PCED1B: variants seen among roughly 807,000 people sequenced by gnomAD.
PCED1B encodes the protein PC-esterase domain-containing protein 1B.
For missense variants in PCED1B, 573 were observed against 573.9 expected (o/e 1.00, Z 0.02); for synonymous variants, 251 against 246.1 (o/e 1.02, Z -0.19).
At chr12:47,199,028 A>T (rs1342890431) in intron 2 of PCED1B, among the ~76,000 whole-genome samples, 1 of 152,090 alleles carries the variant, frequency 6.6e-6, no homozygotes, top group Non-Finnish European at 1.5e-5. Context: ...ACAACAGCAA[A>T]AAACCATCCT....
chr12:47,229,994 T>C (rs934862510), intron 3 of PCED1B, among the ~76,000 whole-genome samples: 2 of 151,394 alleles, frequency 1.3e-5, no homozygotes, highest in African/African-American at 4.9e-5. Flanking sequence ...CAGGATGGTC[T>C]CAATCTCCTG....
intron 1 of PCED1B, among the ~76,000 whole-genome samples, chr12:47,097,696 G>A (rs1319125318): frequency 6.6e-6 from 1 of 152,180 alleles, no homozygotes; most frequent in Non-Finnish European, 1.5e-5. Flanking sequence ...AAGAGCAGTT[G>A]GCACAGTACA....
chr12:47,142,712 C>A (rs891179252), intron 2 of PCED1B, among the ~76,000 whole-genome samples: 2 of 151,768 alleles, frequency 1.3e-5, no homozygotes, highest in African/African-American at 2.4e-5. Flanking sequence ...CAGACTTGAT[C>A]GCGCAGAAGA....
intron 2 of PCED1B, among the ~76,000 whole-genome samples, chr12:47,132,957 C>A (rs1446061471): frequency 6.6e-5 from 10 of 152,176 alleles, no homozygotes; most frequent in African/African-American, 2.4e-4. Context: ...TCTCATAACA[C>A]TGATACATAG....
intron 2 of PCED1B, among the ~76,000 whole-genome samples, chr12:47,156,369 AC>A (rs200414672): frequency 0.014 from 2,131 of 152,286 alleles, 31 homozygotes; most frequent in Middle Eastern, 0.027. Flanking sequence ...CCTTTTTCTT[AC>A]CAAGCACTGC....
At chr12:47,107,131 GT>G (rs1938988672) in intron 2 of PCED1B, among the ~76,000 whole-genome samples, 1 of 152,192 alleles carries the variant, frequency 6.6e-6, no homozygotes, top group Non-Finnish European at 1.5e-5. Context: ...TTTGTTCAGA[GT>G]TAGGGGTGGG....
chr12:47,214,087 T>C (rs944174678), intron 2 of PCED1B, among the ~76,000 whole-genome samples: 5 of 152,222 alleles, frequency 3.3e-5, no homozygotes, highest in Non-Finnish European at 7.3e-5. Flanking sequence ...TAGACTACTC[T>C]GGATTATAAA....
At chr12:47,203,273 T>C (rs532879770) in intron 2 of PCED1B, among the ~76,000 whole-genome samples, 1 of 152,220 alleles carries the variant, frequency 6.6e-6, no homozygotes, top group Admixed American at 6.5e-5. Flanking sequence ...CCCAGCCTTC[T>C]CTTTTCTTTT....
Position 47,235,637 on chromosome 12 carries a change from G to T in PCED1B, c.574G>T (p.Glu192Ter). ...GCAGAAGGCCACCTTCCTGAAAAAC[G>T]AAGTGGTCAAAGCCAACTTCCACAG... is the stretch of plus-strand genomic sequence containing the variant. ...RRQKATFLKN[E>*]VVKANFHSAT... Residue 192 changes from glutamate to a stop codon, truncating the protein, a stop_gained, in exon 4 of 4, where the codon GAA (glutamate) becomes TAA (stop). Coordinates refer to ENST00000546455, the MANE Select transcript of PCED1B (RefSeq NM_138371.3). LOFTEE classifies it low-confidence loss of function (END_TRUNC). 1 of 1,610,484 alleles carries T rather than the reference G, an allele frequency of 6.2e-7. No homozygotes were observed. Among genetic ancestry groups the T allele is most frequent in the East Asian group, 2.2e-5 (1 of 44,822 alleles).
At chr12:47,132,417 A>G (rs531615778) in intron 2 of PCED1B, among the ~76,000 whole-genome samples, 4 of 152,146 alleles carry the variant, frequency 2.6e-5, no homozygotes, top group Non-Finnish European at 5.9e-5. Flanking sequence ...TCTGCAACAA[A>G]TACCCCTGTG....
intron 3 of PCED1B, among the ~76,000 whole-genome samples, chr12:47,222,378 C>A (rs12307384): frequency 0.079 from 11,467 of 144,352 alleles, 1,423 homozygotes; most frequent in African/African-American, 0.27. Context: ...GCTGAGATCA[C>A]GCCATTGCAC....
chr12:47,204,091 T>G (rs1942847274), intron 2 of PCED1B, among the ~76,000 whole-genome samples: 1 of 152,116 alleles, frequency 6.6e-6, no homozygotes, highest in South Asian at 2.1e-4. Context: ...ACTACAGGCA[T>G]GTGCCATCAT....
At chr12:47,136,362 T>G (rs1006659987) in intron 2 of PCED1B, among the ~76,000 whole-genome samples, 11 of 152,224 alleles carry the variant, frequency 7.2e-5, no homozygotes, top group African/African-American at 2.7e-4. Context: ...GATAGACTTC[T>G]TAAGCCCTCT....
chr12:47,194,831 T>C (rs1445774043), intron 2 of PCED1B, among the ~76,000 whole-genome samples: 1 of 152,170 alleles, frequency 6.6e-6, no homozygotes, highest in African/African-American at 2.4e-5. Flanking sequence ...AATTCGAGAG[T>C]AAATGGCATT....
chr12:47,221,180 G>A lies in PCED1B; in HGVS notation c.-58+4491G>A, dbSNP rs1336683743. On this transcript the variant is annotated intron_variant, in intron 3 of 3. Transcript: ENST00000546455. The stretch of plus-strand genomic sequence containing the variant: ...CACTTTTTAAGGACTAAGAAAAATT[G>A]GGGGAAAGTAAAATATTTAACCATA... 6.6e-5 allele frequency among the ~76,000 whole-genome samples: 10 copies of A among 152,022 alleles called. No homozygotes were observed. The East Asian group carries it at 1.9e-3, about 29-fold the overall frequency.
intron 2 of PCED1B, among the ~76,000 whole-genome samples, chr12:47,183,368 T>C (rs143052071): frequency 1.3e-5 from 2 of 152,322 alleles, no homozygotes; most frequent in Non-Finnish European, 2.9e-5. Flanking sequence ...CTCAAGGAAG[T>C]AGAGACCTTT....
At chr12:47,201,662 G>A (rs762828093) in intron 2 of PCED1B, among the ~76,000 whole-genome samples, 2 of 151,406 alleles carry the variant, frequency 1.3e-5, no homozygotes, top group African/African-American at 2.4e-5. Flanking sequence ...GCAATGGTGC[G>A]ATCTTGGCTC....
intron 2 of PCED1B, among the ~76,000 whole-genome samples, chr12:47,173,927 T>C (rs1443431986): frequency 6.6e-6 from 1 of 152,192 alleles, no homozygotes. Flanking sequence ...TTCAGATCAA[T>C]TAAAATAAAT....
chr12:47,211,669 A>AAC (rs1397988659), intron 2 of PCED1B, among the ~76,000 whole-genome samples: 1 of 150,250 alleles, frequency 6.7e-6, no homozygotes, highest in Non-Finnish European at 1.5e-5. Flanking sequence ...AAAAAAAAAA[A>AAC]AAAAAAAACT....
Sources: allele counts gnomAD v4.1 joint callset (sites outside exome capture counted in the v4.1 genomes callset), GRCh38; gene constraint gnomAD v4.1.1; transcripts MANE v1.5; gene names NCBI Gene and HGNC (gene_info 2026-07-23, HGNC 2026-07-21).